VSNL1: variants seen among roughly 807,000 people sequenced by gnomAD.
The protein encoded by VSNL1 is visinin like 1.
A neutral mutation model predicts 20.4 loss-of-function variants in VSNL1; 6 were observed. The ratio of observed to expected loss-of-function variants is 0.29; its 90% CI spans 0.16 to 0.58. The LOEUF (loss-of-function observed/expected upper bound fraction) is 0.58, where lower values mean the gene tolerates loss of function less well. VSNL1 is among the 20% of genes least tolerant of loss of function. The pLI, the probability that VSNL1 is intolerant of heterozygous loss-of-function variation, is 0.90. For missense variants in VSNL1, 100 were observed against 234.5 expected (o/e 0.43, Z 3.75); for synonymous variants, 93 against 86.4 (o/e 1.08, Z -0.42).
chr2:17,619,888 C>T (rs11686910), intron 2 of VSNL1, among the ~76,000 whole-genome samples: 45,829 of 151,676 alleles, frequency 0.3, 8,750 homozygotes, highest in Middle Eastern at 0.57. Flanking sequence ...CAATCCCCCC[C>T]CAAAAGGCCC....
At chr2:17,625,062 G>A (rs955757905) in intron 2 of VSNL1, among the ~76,000 whole-genome samples, 1 of 152,124 alleles carries the variant, frequency 6.6e-6, no homozygotes, top group Non-Finnish European at 1.5e-5. Flanking sequence ...CTGTTCTTGT[G>A]GTGGTGAATA....
At chr2:17,606,478 G>A (rs1664946678) in intron 2 of VSNL1, among the ~76,000 whole-genome samples, 2 of 152,342 alleles carry the variant, frequency 1.3e-5, no homozygotes, top group South Asian at 4.1e-4. Context: ...AGGAGGCTGA[G>A]GGTCTGACAG....
chr2:17,554,492 A>ACT (rs1439727792), intron 1 of VSNL1, among the ~76,000 whole-genome samples: 1 of 152,070 alleles, frequency 6.6e-6, no homozygotes, highest in Non-Finnish European at 1.5e-5. Context: ...GAAGTACAGA[A>ACT]CTCTTTTTTT....
intron 1 of VSNL1, among the ~76,000 whole-genome samples, chr2:17,583,238 C>T (rs1664392088): frequency 6.6e-6 from 1 of 152,146 alleles, no homozygotes; most frequent in South Asian, 2.1e-4. Context: ...GGTTGCATTC[C>T]TGATGATCAA....
At chr2:17,613,621 G>A (rs1665142995) in intron 2 of VSNL1, among the ~76,000 whole-genome samples, 1 of 152,112 alleles carries the variant, frequency 6.6e-6, no homozygotes, top group South Asian at 2.1e-4. Flanking sequence ...TCTTCTTTGT[G>A]CTGAGCCCTC....
intron 2 of VSNL1, among the ~76,000 whole-genome samples, chr2:17,627,957 C>T (rs1665548538): frequency 6.6e-6 from 1 of 152,152 alleles, no homozygotes; most frequent in African/African-American, 2.4e-5. Flanking sequence ...TGAACAAGGA[C>T]AGTATAGAGG....
chr2:17,591,424 C>A (rs1664591497), intron 1 of VSNL1, among the ~76,000 whole-genome samples: 1 of 152,188 alleles, frequency 6.6e-6, no homozygotes, highest in African/African-American at 2.4e-5. Flanking sequence ...ACTCCCCAAC[C>A]AATCCCTAGA....
chr2:17,610,399 T>C (rs890431287), intron 2 of VSNL1, among the ~76,000 whole-genome samples: 1 of 152,068 alleles, frequency 6.6e-6, no homozygotes, highest in East Asian at 1.9e-4. Context: ...TGGGTGGTGC[T>C]GGAAGAGGCT....
intron 2 of VSNL1, among the ~76,000 whole-genome samples, chr2:17,606,717 C>T (rs1319616722): frequency 2.0e-5 from 3 of 152,146 alleles, no homozygotes; most frequent in Non-Finnish European, 4.4e-5. Context: ...CTGTTGGTTA[C>T]CTACCAGATG....
intron 3 of VSNL1, among the ~76,000 whole-genome samples, chr2:17,654,804 C>T (rs1369960782): frequency 6.6e-6 from 1 of 152,204 alleles, no homozygotes; most frequent in East Asian, 1.9e-4. Context: ...CAACACTTCA[C>T]CTGGCCCTCC....
intron 2 of VSNL1, among the ~76,000 whole-genome samples, chr2:17,643,564 G>A (rs1665928586): frequency 6.6e-6 from 1 of 152,170 alleles, no homozygotes; most frequent in South Asian, 2.1e-4. Flanking sequence ...CACCTACTGT[G>A]TGCCTGGCCC....
chr2:17,613,802 A>C (rs1361631542), intron 2 of VSNL1, among the ~76,000 whole-genome samples: 1 of 152,166 alleles, frequency 6.6e-6, no homozygotes, highest in Non-Finnish European at 1.5e-5. Flanking sequence ...TTGTTCATCT[A>C]TTCATCCCAT....
At position 17,655,566 on chromosome 2, in the gene VSNL1, A is replaced by G. The variant is rs1210809517; in HGVS notation, c.*172A>G. 2 of 614,134 alleles carry G rather than the reference A, an allele frequency of 3.3e-6. No homozygotes were observed. Among genetic ancestry groups the G allele is most frequent in the Non-Finnish European group, 5.5e-6 (2 of 362,964 alleles). 38.0% of individuals were successfully genotyped at this position (614,134 alleles called of 1,614,324 possible). On this transcript the variant is annotated 3_prime_UTR_variant, in exon 4 of 4. Coordinates refer to ENST00000295156, the MANE Select transcript of VSNL1 (RefSeq NM_003385.5). This position sits in a 1 kb window ranked among gnomAD's most constrained non-coding sequence, Gnocchi z 5.2. ...TGTTTGAAACACTCGTGTGCATGAG[A>G]ATGTCATTTGCTAATGAATTTTAAA...
At chr2:17,567,962 AT>A (rs1663991480) in intron 1 of VSNL1, among the ~76,000 whole-genome samples, 1 of 152,148 alleles carries the variant, frequency 6.6e-6, no homozygotes, top group Non-Finnish European at 1.5e-5. Context: ...ATTTGTAGGT[AT>A]TTTACCTCTC....
chr2:17,633,328 C>A (rs918526249), intron 2 of VSNL1, among the ~76,000 whole-genome samples: 1 of 138,338 alleles, frequency 7.2e-6, no homozygotes, highest in South Asian at 2.4e-4. Flanking sequence ...AACCATATCA[C>A]CCCATCTTTA....
chr2:17,586,103 C>G (rs1273167135), intron 1 of VSNL1, among the ~76,000 whole-genome samples: 1 of 152,160 alleles, frequency 6.6e-6, no homozygotes, highest in Non-Finnish European at 1.5e-5. Flanking sequence ...GCCACTGCAC[C>G]CGGCCAATTT....
intron 1 of VSNL1, among the ~76,000 whole-genome samples, chr2:17,559,882 A>G (rs998360435): frequency 9.9e-5 from 15 of 152,068 alleles, no homozygotes; most frequent in Non-Finnish European, 2.1e-4. Context: ...AATAAACATC[A>G]GAAAAGAGAT....
At chr2:17,557,974 G>A (rs1048942042) in intron 1 of VSNL1, among the ~76,000 whole-genome samples, 4 of 152,208 alleles carry the variant, frequency 2.6e-5, no homozygotes, top group Non-Finnish European at 5.9e-5. Flanking sequence ...CATGAAAGAA[G>A]CAGAGGGTGC....
intron 2 of VSNL1, among the ~76,000 whole-genome samples, chr2:17,616,218 G>A (rs1665213444): frequency 6.6e-6 from 1 of 152,240 alleles, no homozygotes; most frequent in South Asian, 2.1e-4. Context: ...CCCTTGGCCT[G>A]TGACATTCTC....
Sources: gnomAD v4.1 joint callset for allele counts (sites outside exome capture counted in the v4.1 genomes callset) on GRCh38, gnomAD v4.1.1 for gene constraint, Gnocchi (gnomAD v3.1) non-coding constraint, MANE v1.5 for transcripts, NCBI Gene and HGNC (gene_info 2026-07-23, HGNC 2026-07-21) for gene names.